The following ASPRV1 variants were observed in gnomAD, a reference collection of about 807,000 sequenced individuals.
The protein encoded by ASPRV1 is aspartic peptidase retroviral like 1.
ASPRV1 carries 7 observed loss-of-function variants against 11.0 expected under a neutral mutation model. The ratio of observed to expected loss-of-function variants is 0.64; its 90% CI spans 0.36 to 1.20. The LOEUF (loss-of-function observed/expected upper bound fraction) is 1.20, where lower values mean the gene tolerates loss of function less well. ASPRV1 is among the 50% of genes most tolerant of loss of function. The probability of loss-of-function intolerance (pLI) is 0.02; values close to 1 mark genes in which losing one functional copy is unlikely to be tolerated. For synonymous variants in ASPRV1, 136 were observed against 138.4 expected, an observed-to-expected ratio of 0.98 and a Z score of 0.12; for missense variants, 299 against 320.0, an observed-to-expected ratio of 0.93 and a Z score of 0.50.
the ASPRV1 span, chr2:69,938,172 ACT>A: frequency 7.4e-6 from 12 of 1,613,968 alleles, no homozygotes; most frequent in Admixed American, 1.7e-5. Context: ...AGTGTGAGCG[ACT>A]CTGACGAGCG....
chr2:69,986,379 C>T, the ASPRV1 span, among the ~76,000 whole-genome samples: 2 of 152,224 alleles, frequency 1.3e-5, no homozygotes, highest in Non-Finnish European at 2.9e-5. Flanking sequence ...GAGCACTCCC[C>T]TCGCTCAGAG....
chr2:69,980,727 C>G, the ASPRV1 span, among the ~76,000 whole-genome samples: 9 of 152,122 alleles, frequency 5.9e-5, no homozygotes, highest in African/African-American at 2.2e-4. Context: ...TGGGAATTCT[C>G]TCTACTATCT....
chr2:70,022,216 C>T, the ASPRV1 span, among the ~76,000 whole-genome samples: 13 of 151,462 alleles, frequency 8.6e-5, no homozygotes, highest in Non-Finnish European at 1.8e-4. Flanking sequence ...GGGGTTTCAC[C>T]GTGTTAGCCA....
In ASPRV1 at chr2:69,960,707, T is replaced by A; in HGVS notation, c.730A>T (p.Ile244Leu). 2 of 1,614,128 alleles carry A rather than the reference T, an allele frequency of 1.2e-6. No homozygotes were observed. The highest frequency in any genetic ancestry group is 3.3e-4 in the Middle Eastern group (2 of 6,062). Residue 244 changes from isoleucine (I) to leucine (L), a missense_variant, in exon 1 of 1, where the codon ATA becomes TTA. Physicochemically the swap from Ile to Leu is conservative, Grantham distance 5. Coordinates refer to ENST00000320256, the MANE Select transcript of ASPRV1 (RefSeq NM_152792.4). ...SLEDEFDLELIEEDPSSEEGR... is the reference protein window; with the variant it reads ...SLEDEFDLELLEEDPSSEEGR... Reference sequence around the variant, plus strand: ...TCTTCTGAGGAGGGGTCCTCCTCTATGAGCTCCAGGTCAAACTCATCTTCC... The same window carrying A: ...TCTTCTGAGGAGGGGTCCTCCTCTAAGAGCTCCAGGTCAAACTCATCTTCC...
At chr2:70,069,953 CA>C in the ASPRV1 span, among the ~76,000 whole-genome samples, 18 of 152,140 alleles carry the variant, frequency 1.2e-4, no homozygotes, top group South Asian at 8.3e-4. Flanking sequence ...CAAGTGCCAA[CA>C]AGTGTTATTT....
rs1678048662 is a variant in ASPRV1, at chr2:69,960,546, AG to A, written c.*110del. 8.6e-7 allele frequency: 1 copy of A among 1,159,716 alleles called. No homozygotes were observed. Among genetic ancestry groups the A allele is most frequent in the African/African-American group, 1.5e-5 (1 of 64,820 alleles). The allele number at this position is 1,159,716 out of a possible 1,614,324, so 71.8% of individuals were successfully genotyped here. The stretch of plus-strand genomic sequence containing the variant: ...GAGGCAAAGGGGAGAGAAGAGCAAG[AG>A]TTGATAAGCAGACTGGCCAAGCCCA... On this transcript the variant is annotated 3_prime_UTR_variant, in exon 1 of 1. Transcript: ENST00000320256.
chr2:70,084,081 G>T, the ASPRV1 span, among the ~76,000 whole-genome samples: 1 of 152,184 alleles, frequency 6.6e-6, no homozygotes, highest in Non-Finnish European at 1.5e-5. Flanking sequence ...CGGGGAAGGA[G>T]GGAGGCTAAG....
At chr2:70,015,152 A>G in the ASPRV1 span, among the ~76,000 whole-genome samples, 543 of 152,336 alleles carry the variant, frequency 3.6e-3, 2 homozygotes, top group African/African-American at 0.012. Flanking sequence ...TGGCCTATGA[A>G]GATTAACTTC....
At chr2:70,078,105 C>T in the ASPRV1 span, among the ~76,000 whole-genome samples, 1 of 151,620 alleles carries the variant, frequency 6.6e-6, no homozygotes, top group East Asian at 2.0e-4. Flanking sequence ...TGCACTGAGC[C>T]GAGATCGCGC....
the ASPRV1 span, among the ~76,000 whole-genome samples, chr2:69,946,354 T>A: frequency 2.0e-5 from 3 of 151,764 alleles, no homozygotes; most frequent in Non-Finnish European, 4.4e-5. Flanking sequence ...CAAATGGAGC[T>A]AAGGGTCGAT....
chr2:69,947,711 T>C, the ASPRV1 span, among the ~76,000 whole-genome samples: 2 of 152,134 alleles, frequency 1.3e-5, no homozygotes, highest in Non-Finnish European at 2.9e-5. Flanking sequence ...AGTGAGGTTA[T>C]TGGGGTCAAG....
chr2:70,071,414 G>A, the ASPRV1 span, among the ~76,000 whole-genome samples: 1 of 152,190 alleles, frequency 6.6e-6, no homozygotes, highest in Non-Finnish European at 1.5e-5. Flanking sequence ...TGTGGAAGAT[G>A]TATTACATTT....
chr2:70,055,412 G>A, the ASPRV1 span, among the ~76,000 whole-genome samples: 11 of 152,130 alleles, frequency 7.2e-5, no homozygotes, highest in African/African-American at 2.7e-4. Flanking sequence ...ACTGGATAAA[G>A]AAAATATGGT....
At chr2:69,963,820 C>T (rs1678230027), upstream of ASPRV1, among the ~76,000 whole-genome samples, 1 of 152,146 alleles carries the variant, frequency 6.6e-6, no homozygotes, top group Non-Finnish European at 1.5e-5. Flanking sequence ...GCCTCAGGTC[C>T]CAGGCTTTCC....
At chr2:70,084,361 T>C in the ASPRV1 span, among the ~76,000 whole-genome samples, 1 of 152,236 alleles carries the variant, frequency 6.6e-6, no homozygotes, top group Non-Finnish European at 1.5e-5. Context: ...CCTCATCTAT[T>C]CTGTCTCCCT....
chr2:70,061,007 T>C, the ASPRV1 span, among the ~76,000 whole-genome samples: 1,951 of 152,228 alleles, frequency 0.013, 46 homozygotes, highest in African/African-American at 0.045. Flanking sequence ...AACAGTTAAG[T>C]GGTCTTATGT....
the ASPRV1 span, among the ~76,000 whole-genome samples, chr2:70,003,553 G>T: frequency 3.3e-5 from 5 of 152,232 alleles, no homozygotes; most frequent in African/African-American, 1.2e-4. Context: ...CTTCCCAGGT[G>T]CTTTAGAAGC....
chr2:70,000,388 G>A, the ASPRV1 span: 14 of 147,128 alleles, frequency 9.5e-5, no homozygotes, highest in Non-Finnish European at 1.6e-4. Context: ...GGAGTTAATA[G>A]CCTGAATACA....
chr2:69,977,602 C>T, the ASPRV1 span, among the ~76,000 whole-genome samples: 1 of 152,176 alleles, frequency 6.6e-6, no homozygotes, highest in Non-Finnish European at 1.5e-5. Context: ...ATAATTTCGT[C>T]TTGGGTTTCT....
Sources: gnomAD v4.1 joint callset for allele counts (sites outside exome capture counted in the v4.1 genomes callset) on GRCh38, gnomAD v4.1.1 for gene constraint, MANE v1.5 for transcripts, NCBI Gene and HGNC (gene_info 2026-07-23, HGNC 2026-07-21) for gene names.